Variants in RBFOX1 observed in about 807,000 individuals in gnomAD.
RBFOX1 encodes RNA binding fox-1 homolog 1.
Under a neutral mutation model 57.7 loss-of-function variants are expected in RBFOX1, and 8 were observed. The ratio of observed to expected loss-of-function variants is 0.14; its 90% CI spans 0.08 to 0.25. The LOEUF (loss-of-function observed/expected upper bound fraction) is 0.25. Ranked by LOEUF, RBFOX1 falls within the 10% of genes least tolerant of loss-of-function variation. The probability of loss-of-function intolerance (pLI) is 1.00; values close to 1 mark genes in which losing one functional copy is unlikely to be tolerated. For synonymous variants in RBFOX1, 326 were observed against 222.4 expected, an observed-to-expected ratio of 1.47 and a Z score of -4.15; for missense variants, 611 against 548.5, an observed-to-expected ratio of 1.11 and a Z score of -1.14.
At chr16:5,685,628 C>T (rs1044288186) in intron 3 of RBFOX1, among the ~76,000 whole-genome samples, 5 of 152,072 alleles carry the variant, frequency 3.3e-5, no homozygotes, top group African/African-American at 7.2e-5. Flanking sequence ...TAAGTTAATC[C>T]ATTTCTTTTT....
intron 3 of RBFOX1, among the ~76,000 whole-genome samples, chr16:5,831,737 A>C (rs762148876): frequency 6.6e-6 from 1 of 151,990 alleles, no homozygotes; most frequent in African/African-American, 2.4e-5. Flanking sequence ...ACCTAGCCTA[A>C]ACCTCTTTTC....
At chr16:7,193,693 T>C (rs1269234322) in intron 4 of RBFOX1, among the ~76,000 whole-genome samples, 3 of 152,226 alleles carry the variant, frequency 2.0e-5, no homozygotes, top group African/African-American at 7.2e-5. Flanking sequence ...AGCTGGTATG[T>C]GACAAAGCAG....
At chr16:5,931,859 G>C (rs1238960752) in intron 4 of RBFOX1, among the ~76,000 whole-genome samples, 1 of 152,198 alleles carries the variant, frequency 6.6e-6, no homozygotes, top group Non-Finnish European at 1.5e-5. Context: ...CCAGGCTGGA[G>C]TACAGTGGCA....
At chr16:5,479,698 G>T (rs1214838473) in intron 2 of RBFOX1, among the ~76,000 whole-genome samples, 1 of 152,116 alleles carries the variant, frequency 6.6e-6, no homozygotes, top group African/African-American at 2.4e-5. Context: ...GGTAGAGGTT[G>T]CAGTGATCCA....
intron 3 of RBFOX1, among the ~76,000 whole-genome samples, chr16:5,631,727 G>C (rs148395036): frequency 6.8e-4 from 103 of 152,182 alleles, no homozygotes; most frequent in African/African-American, 2.2e-3. Context: ...TTAGTATTGA[G>C]TTTTGGCTCT....
At chr16:5,889,250 C>A (rs115561352) in intron 4 of RBFOX1, among the ~76,000 whole-genome samples, 1 of 152,138 alleles carries the variant, frequency 6.6e-6, no homozygotes, top group African/African-American at 2.4e-5. Context: ...CCACACTCTC[C>A]GGCAGTGTGT....
chr16:7,018,393 G>A (rs1436335280), intron 3 of RBFOX1, among the ~76,000 whole-genome samples: 3 of 152,132 alleles, frequency 2.0e-5, no homozygotes, highest in Non-Finnish European at 4.4e-5. Context: ...GCTTCTTTAT[G>A]CATAATTGTG....
At chr16:5,834,292 A>G (rs902002961) in intron 3 of RBFOX1, among the ~76,000 whole-genome samples, 11 of 151,936 alleles carry the variant, frequency 7.2e-5, no homozygotes, top group African/African-American at 2.7e-4. Context: ...CCACCATACC[A>G]CTCTGTATAC....
chr16:7,115,832 T>C (rs1437419926), intron 4 of RBFOX1, among the ~76,000 whole-genome samples: 4 of 152,218 alleles, frequency 2.6e-5, no homozygotes, highest in Admixed American at 2.6e-4. Flanking sequence ...CTGGGGACCA[T>C]GTTACAGGCT....
chr16:6,789,288 A>G (rs570033442), intron 3 of RBFOX1, among the ~76,000 whole-genome samples: 3 of 152,192 alleles, frequency 2.0e-5, no homozygotes, highest in Non-Finnish European at 4.4e-5. Context: ...TAAATACAGC[A>G]GTTGATATTT....
rs575468207 is a variant in RBFOX1 at position 7,455,081 on chromosome 16, A to G, written c.28-63066A>G. On this transcript the variant is annotated intron_variant, in intron 4 of 15. Coordinates refer to ENST00000550418, the MANE Select transcript of RBFOX1 (RefSeq NM_018723.4). ...TACCATGCTAGGCACAACGGATTCG[A>G]TAGCAAACCAGACCATTGTATTTTC... 1.6e-4 allele frequency among the ~76,000 whole-genome samples: 24 copies of G among 152,334 alleles called. No individual in the cohort carries two copies. The South Asian group carries it at 2.9e-3, about 18-fold the overall frequency.
chr16:5,262,884 A>C (rs60621274), intron 1 of RBFOX1, among the ~76,000 whole-genome samples: 1 of 152,300 alleles, frequency 6.6e-6, no homozygotes, highest in African/African-American at 2.4e-5. Context: ...CACTCACTCC[A>C]TTGTAACTCC....
chr16:7,150,562 A>G (rs899305), intron 4 of RBFOX1, among the ~76,000 whole-genome samples: 55,356 of 152,014 alleles, frequency 0.36, 10,572 homozygotes, highest in African/African-American at 0.49. Flanking sequence ...CTCTTAACAG[A>G]TATTTTCTCT....
At chr16:6,682,218 A>C (rs2058752422) in intron 3 of RBFOX1, among the ~76,000 whole-genome samples, 1 of 152,210 alleles carries the variant, frequency 6.6e-6, no homozygotes, top group Non-Finnish European at 1.5e-5. Context: ...AGCAACGAAC[A>C]ACGCAACAGA....
At chr16:6,648,494 G>C (rs769932582) in intron 2 of RBFOX1, among the ~76,000 whole-genome samples, 10 of 152,160 alleles carry the variant, frequency 6.6e-5, no homozygotes, top group Non-Finnish European at 1.2e-4. Context: ...CCTGCTTTAA[G>C]AGTCTAGTGC....
intron 3 of RBFOX1, among the ~76,000 whole-genome samples, chr16:5,640,913 A>T (rs1168966586): frequency 6.6e-6 from 1 of 151,738 alleles, no homozygotes; most frequent in Non-Finnish European, 1.5e-5. Flanking sequence ...ACACACATGG[A>T]CACACGTGCA....
chr16:6,996,492 CA>C (rs1555735094), intron 3 of RBFOX1, among the ~76,000 whole-genome samples: 1 of 152,152 alleles, frequency 6.6e-6, no homozygotes, highest in Non-Finnish European at 1.5e-5. Flanking sequence ...TCTGGACACG[CA>C]TATTTGTTAC....
In RBFOX1 at chr16:7,194,878, A is replaced by T. The variant is rs527916145; in HGVS notation, c.27+142780A>T. On this transcript the variant is annotated intron_variant, in intron 4 of 15. Coordinates refer to ENST00000550418, the MANE Select transcript of RBFOX1 (RefSeq NM_018723.4). ...GGGAGGCAGAGGTTGCTGTGAGCCG[A>T]GATTGTGCCACTGCACTCCAGCTTG... Among the ~76,000 whole-genome samples the T allele has an allele frequency of 1.3e-4, 19 of 148,636 alleles. No homozygotes were observed. In the South Asian group the frequency reaches 3.6e-3, roughly 28 times the overall value.
intron 1 of RBFOX1, among the ~76,000 whole-genome samples, chr16:5,241,981 G>T (rs1325284648): frequency 6.6e-6 from 1 of 152,020 alleles, no homozygotes; most frequent in South Asian, 2.1e-4. Flanking sequence ...CAGGTATGGT[G>T]GTGTGTGCCT....
Sources: allele counts gnomAD v4.1 joint callset (sites outside exome capture counted in the v4.1 genomes callset), GRCh38; gene constraint gnomAD v4.1.1; transcripts MANE v1.5; gene names NCBI Gene and HGNC (gene_info 2026-07-23, HGNC 2026-07-21).